PRKN: variants seen among roughly 807,000 people sequenced by gnomAD.
PRKN encodes parkin RBR E3 ubiquitin protein ligase.
PRKN carries 56 observed loss-of-function variants against 59.5 expected under a neutral mutation model. That is an observed-to-expected ratio of 0.94 (90% confidence interval 0.76 to 1.18). The LOEUF (loss-of-function observed/expected upper bound fraction) is 1.18, where lower values mean the gene tolerates loss of function less well. Ranked by LOEUF, PRKN falls within the 50% of genes most tolerant of loss-of-function variation. PRKN has a pLI of 0.00. For synonymous variants in PRKN, 250 were observed against 222.1 expected (o/e 1.13, Z -1.12); for missense variants, 657 against 596.4 (o/e 1.10, Z -1.06).
intron 7 of PRKN, among the ~76,000 whole-genome samples, chr6:161,626,768 A>C (rs561011205): frequency 1.3e-5 from 2 of 152,342 alleles, no homozygotes; most frequent in Admixed American, 1.3e-4. Context: ...TACTGTAAAG[A>C]GTCAGCAGCC....
chr6:162,658,893 T>G (rs1382266980), intron 1 of PRKN, among the ~76,000 whole-genome samples: 1 of 152,098 alleles, frequency 6.6e-6, no homozygotes, highest in Non-Finnish European at 1.5e-5. Flanking sequence ...TGCATGTATT[T>G]TAAAATGTTA....
chr6:162,021,367 C>G (rs373442653), intron 5 of PRKN, among the ~76,000 whole-genome samples: 2 of 146,332 alleles, frequency 1.4e-5, no homozygotes, highest in African/African-American at 2.5e-5. Context: ...CAAGGTCATC[C>G]AATCCCTTTA....
chr6:161,922,608 G>A (rs1435290292), intron 6 of PRKN, among the ~76,000 whole-genome samples: 2 of 152,094 alleles, frequency 1.3e-5, no homozygotes, highest in East Asian at 3.9e-4. Flanking sequence ...AGTACATGAG[G>A]TAATTCCTAC....
intron 1 of PRKN, among the ~76,000 whole-genome samples, chr6:162,597,927 T>C (rs1311033657): frequency 1.3e-5 from 2 of 152,216 alleles, no homozygotes; most frequent in Admixed American, 6.5e-5. Flanking sequence ...CATCCAGACA[T>C]AATTTTCATC....
At chr6:162,002,273 A>G (rs1782088486) in intron 5 of PRKN, among the ~76,000 whole-genome samples, 1 of 152,056 alleles carries the variant, frequency 6.6e-6, no homozygotes, top group South Asian at 2.1e-4. Flanking sequence ...TTCACTAGTG[A>G]ACCTAACTGG....
chr6:162,687,871 A>G (rs576231408), intron 1 of PRKN, among the ~76,000 whole-genome samples: 2 of 152,328 alleles, frequency 1.3e-5, no homozygotes, highest in Non-Finnish European at 2.9e-5. Flanking sequence ...AACTCCAGCA[A>G]CAAGTAACTA....
At chr6:162,175,995 T>C (rs564083415) in intron 4 of PRKN, among the ~76,000 whole-genome samples, 6 of 152,362 alleles carry the variant, frequency 3.9e-5, no homozygotes, top group South Asian at 4.1e-4. Flanking sequence ...AGGTAGATTA[T>C]GGATTCTTTT....
intron 2 of PRKN, among the ~76,000 whole-genome samples, chr6:162,288,649 G>A: frequency 6.6e-6 from 1 of 152,094 alleles, no homozygotes; most frequent in East Asian, 1.9e-4. Flanking sequence ...CCCTCACCGA[G>A]GCCCCCACCA....
At chr6:161,408,949 T>C (rs894631102) in intron 9 of PRKN, among the ~76,000 whole-genome samples, 1 of 152,150 alleles carries the variant, frequency 6.6e-6, no homozygotes, top group Non-Finnish European at 1.5e-5. Context: ...ATTTTAATTT[T>C]AATTTTTATT....
At position 161,356,421 on chromosome 6, in the gene PRKN, C is replaced by T. The variant is rs559875634; in HGVS notation, c.1285+3667G>A. Among the ~76,000 whole-genome samples the T allele has an allele frequency of 2.6e-5, 4 of 152,246 alleles. No individual in the cohort carries two copies. The South Asian group carries it at 8.3e-4, about 32-fold the overall frequency. Reference sequence around the variant, plus strand: ...TGTGTGGTTGCAATGTCAGTGGGGACCCCCGGGGGGAAGGGCAGGACTGAC... The same window carrying T: ...TGTGTGGTTGCAATGTCAGTGGGGATCCCCGGGGGGAAGGGCAGGACTGAC... On this transcript the variant is annotated intron_variant, in intron 11 of 11. Transcript: ENST00000366898. This position sits in a 1 kb window ranked among gnomAD's most constrained non-coding sequence, Gnocchi z 7.8.
chr6:161,476,201 A>AT (rs1220051042), intron 9 of PRKN, among the ~76,000 whole-genome samples: 1 of 151,740 alleles, frequency 6.6e-6, no homozygotes, highest in Non-Finnish European at 1.5e-5. Context: ...AAAAAAAAAA[A>AT]ATTATTCAAG....
At chr6:162,473,006 T>C (rs768603723) in intron 1 of PRKN, among the ~76,000 whole-genome samples, 9 of 134,798 alleles carry the variant, frequency 6.7e-5, no homozygotes, top group African/African-American at 2.0e-4. Flanking sequence ...CTTATTTTTA[T>C]ATCAGTCTTT....
At chr6:161,802,710 T>G (rs930787957) in intron 6 of PRKN, among the ~76,000 whole-genome samples, 3 of 152,192 alleles carry the variant, frequency 2.0e-5, no homozygotes, top group Admixed American at 6.5e-5. Flanking sequence ...ATGGCCTGTT[T>G]TAGTCTTTGT....
intron 7 of PRKN, among the ~76,000 whole-genome samples, chr6:161,662,465 G>A (rs1265558999): frequency 6.6e-6 from 1 of 152,150 alleles, no homozygotes; most frequent in Non-Finnish European, 1.5e-5. Flanking sequence ...GGTAGACAGT[G>A]GCACATGGCA....
chr6:162,063,491 T>C (rs1008793821), intron 4 of PRKN, among the ~76,000 whole-genome samples: 1 of 152,182 alleles, frequency 6.6e-6, no homozygotes, highest in East Asian at 1.9e-4. Flanking sequence ...ACAAACGCTC[T>C]CATATATCAT....
rs373966697 is a variant in PRKN at position 162,003,071 on chromosome 6, G to T, written c.619-29654C>A. 7.2e-5 allele frequency among the ~76,000 whole-genome samples: 11 copies of T among 152,126 alleles called. No homozygotes were observed. In the South Asian group the frequency reaches 2.1e-3, roughly 29 times the overall value. On this transcript the variant is annotated intron_variant, in intron 5 of 11. Transcript: ENST00000366898. ...TGGTGAATGTTTCATGATAGCTTGA[G>T]AAGAATATGTATTCTGTTGTTGTTG...
intron 1 of PRKN, among the ~76,000 whole-genome samples, chr6:162,590,208 T>C (rs1781246909): frequency 6.6e-6 from 1 of 152,210 alleles, no homozygotes; most frequent in Non-Finnish European, 1.5e-5. Context: ...GAATTTTTCA[T>C]ATATATGGAC....
chr6:161,917,321 G>T (rs1778605298), intron 6 of PRKN, among the ~76,000 whole-genome samples: 1 of 151,918 alleles, frequency 6.6e-6, no homozygotes, highest in South Asian at 2.1e-4. Flanking sequence ...GGCCAGGCTG[G>T]TCTCAAACTC....
intron 7 of PRKN, among the ~76,000 whole-genome samples, chr6:161,721,110 G>A (rs996460762): frequency 1.3e-5 from 2 of 152,204 alleles, no homozygotes; most frequent in African/African-American, 4.8e-5. Context: ...AGTTTATAAA[G>A]TTTGTCGTTT....
Sources: allele counts gnomAD v4.1 joint callset (sites outside exome capture counted in the v4.1 genomes callset), GRCh38; gene constraint gnomAD v4.1.1; non-coding constraint Gnocchi (gnomAD v3.1); transcripts MANE v1.5; gene names NCBI Gene and HGNC (gene_info 2026-07-23, HGNC 2026-07-21).